Variants in PCDHA7 observed in about 807,000 individuals in gnomAD.
PCDHA7 encodes the protein protocadherin alpha-7.
In PCDHA7, 37 loss-of-function variants were observed where a neutral mutation model predicts 57.2. The ratio of observed to expected loss-of-function variants is 0.65; its 90% CI spans 0.50 to 0.85. The LOEUF (loss-of-function observed/expected upper bound fraction) is 0.85, where lower values mean the gene tolerates loss of function less well. PCDHA7 is among the 40% of genes least tolerant of loss of function. The pLI, the probability that PCDHA7 is intolerant of heterozygous loss-of-function variation, is 0.00. For synonymous variants in PCDHA7, 553 were observed against 558.8 expected (o/e 0.99, Z 0.15); for missense variants, 1,188 against 1,241.8 (o/e 0.96, Z 0.65).
chr5:140,873,931 G>A (rs2054580396), intron 1 of PCDHA7, among the ~76,000 whole-genome samples: 1 of 152,172 alleles, frequency 6.6e-6, no homozygotes, highest in African/African-American at 2.4e-5. Flanking sequence ...AAAGTGCTGG[G>A]ATTACAGGTG....
At chr5:140,875,240 C>A in intron 1 of PCDHA7, 1 of 923,800 alleles carries the variant, frequency 1.1e-6, no homozygotes. Context: ...CTTGTACTTA[C>A]ATAATCAGTC....
At chr5:140,875,754 G>A (rs369339386) in intron 1 of PCDHA7, 2 of 1,614,254 alleles carry the variant, frequency 1.2e-6, no homozygotes, top group African/African-American at 2.7e-5. Flanking sequence ...ACCGCGAGAA[G>A]CTGTGCGGGC....
chr5:141,000,603 T>C (rs1237883625), intron 3 of PCDHA7, among the ~76,000 whole-genome samples: 1 of 150,986 alleles, frequency 6.6e-6, no homozygotes, highest in Admixed American at 6.6e-5. Flanking sequence ...AATTTTTGTA[T>C]TTTTAGTAGA....
chr5:141,010,265 G>A lies in PCDHA7; in HGVS notation c.*328G>A, dbSNP rs1554262846. ...GTTGGACTCTCTGCCCTGTGCTCCGGGGATCCTGTCTTGATGACACTTGCA... is the reference window on the plus strand; with the variant it reads ...GTTGGACTCTCTGCCCTGTGCTCCGAGGATCCTGTCTTGATGACACTTGCA... On this transcript the variant is annotated 3_prime_UTR_variant, in exon 4 of 4. Coordinates refer to ENST00000525929, the MANE Select transcript of PCDHA7 (RefSeq NM_018910.3). 6.4e-7 allele frequency: 1 copy of A among 1,551,726 alleles called. No homozygotes were observed. The highest frequency in any genetic ancestry group is 8.7e-7 in the Non-Finnish European group (1 of 1,147,006).
chr5:140,858,255 C>A, intron 1 of PCDHA7: 1 of 1,596,962 alleles, frequency 6.3e-7, no homozygotes, highest in Non-Finnish European at 8.6e-7. Context: ...GTGAAGCCCA[C>A]GCTGGTGTGC....
chr5:140,957,145 T>A (rs1554222837), intron 1 of PCDHA7, among the ~76,000 whole-genome samples: 1 of 152,156 alleles, frequency 6.6e-6, no homozygotes, highest in Non-Finnish European at 1.5e-5. Context: ...GAACTAAAAA[T>A]TTTGGAGACA....
chr5:140,914,288 T>C (rs2076666061), intron 1 of PCDHA7, among the ~76,000 whole-genome samples: 1 of 152,210 alleles, frequency 6.6e-6, no homozygotes, highest in African/African-American at 2.4e-5. Flanking sequence ...ATAATTGTTA[T>C]ATCCTCTTGC....
Position 140,927,344 on chromosome 5 carries a change from A to G in PCDHA7, c.2356-51605A>G, listed in dbSNP as rs144568777. 1.0e-4 allele frequency: 168 copies of G among 1,613,994 alleles called. No homozygotes were observed. Among genetic ancestry groups the G allele is most frequent in the Middle Eastern group, 8.2e-4 (5 of 6,062 alleles). On this transcript the variant is annotated intron_variant, in intron 1 of 3. Transcript: ENST00000525929. ...TTTACTCTCCCGAATGCCCAAGATGACGACGAGGGAAGCAATGGGATACTA... is the reference window on the plus strand; with the variant it reads ...TTTACTCTCCCGAATGCCCAAGATGGCGACGAGGGAAGCAATGGGATACTA...
intron 1 of PCDHA7, chr5:140,882,971 G>A (rs1562782227): frequency 3.1e-6 from 5 of 1,614,206 alleles, no homozygotes; most frequent in Admixed American, 1.7e-5. Flanking sequence ...GATTCTGGAC[G>A]TGAATGACAA....
chr5:140,872,381 A>G (rs1211312378), intron 1 of PCDHA7, among the ~76,000 whole-genome samples: 2 of 152,058 alleles, frequency 1.3e-5, no homozygotes, highest in Non-Finnish European at 2.9e-5. Context: ...AATCCCAGCT[A>G]TTTGGGAGGC....
intron 1 of PCDHA7, chr5:140,856,666 G>C: frequency 1.3e-6 from 2 of 1,598,010 alleles, no homozygotes; most frequent in South Asian, 2.2e-5. Flanking sequence ...AAAATCCTCA[G>C]CTAAAGTTGT....
chr5:140,934,587 T>C (rs1316719317), intron 1 of PCDHA7, among the ~76,000 whole-genome samples: 1 of 152,176 alleles, frequency 6.6e-6, no homozygotes, highest in Non-Finnish European at 1.5e-5. Flanking sequence ...ATTTCTGTAA[T>C]GGGTCTTCAA....
At chr5:140,936,768 G>C (rs1554211177) in intron 1 of PCDHA7, among the ~76,000 whole-genome samples, 2 of 152,042 alleles carry the variant, frequency 1.3e-5, no homozygotes, top group African/African-American at 4.8e-5. Flanking sequence ...AATTGTGTAA[G>C]TTCTCTCACT....
chr5:140,885,011 C>T (rs545880418), intron 1 of PCDHA7, among the ~76,000 whole-genome samples: 16 of 152,240 alleles, frequency 1.1e-4, no homozygotes, highest in Admixed American at 5.9e-4. Context: ...TGAGGCTAAT[C>T]GTAATCTTAA....
chr5:140,885,367 G>T (rs1476588272), intron 1 of PCDHA7, among the ~76,000 whole-genome samples: 2 of 152,244 alleles, frequency 1.3e-5, no homozygotes, highest in African/African-American at 4.8e-5. Flanking sequence ...GTGACTGAAA[G>T]TACCTTTTGG....
chr5:140,841,165 C>A (rs1343151176), intron 1 of PCDHA7: 4 of 935,830 alleles, frequency 4.3e-6, no homozygotes, highest in Admixed American at 2.9e-5. Context: ...CCAAGAAGTT[C>A]TGGTTGGTCA....
At chr5:140,846,935 A>G (rs2150395961) in intron 1 of PCDHA7, among the ~76,000 whole-genome samples, 1 of 149,782 alleles carries the variant, frequency 6.7e-6, no homozygotes, top group African/African-American at 2.4e-5. Flanking sequence ...TTTTGAAGAA[A>G]TACTTGAAGG....
At chr5:140,962,455 A>G (rs571453201) in intron 1 of PCDHA7, among the ~76,000 whole-genome samples, 4 of 152,246 alleles carry the variant, frequency 2.6e-5, no homozygotes, top group Non-Finnish European at 4.4e-5. Flanking sequence ...TGAATCTCTT[A>G]TGGCTTGAAT....
At chr5:140,888,703 G>C (rs547593291) in intron 1 of PCDHA7, among the ~76,000 whole-genome samples, 1 of 152,180 alleles carries the variant, frequency 6.6e-6, no homozygotes, top group Admixed American at 6.5e-5. Context: ...TGATTGGTAG[G>C]AATGTGAAAT....
Sources: gnomAD v4.1 joint callset for allele counts (sites outside exome capture counted in the v4.1 genomes callset) on GRCh38, gnomAD v4.1.1 for gene constraint, MANE v1.5 for transcripts, NCBI Gene and HGNC (gene_info 2026-07-23, HGNC 2026-07-21) for gene names.